The following GPC6 variants were observed in gnomAD, a reference collection of about 807,000 sequenced individuals.
The protein encoded by GPC6 is glypican 6.
GPC6 carries 14 observed loss-of-function variants against 55.2 expected under a neutral mutation model. The ratio of observed to expected loss-of-function variants is 0.25; its 90% confidence interval spans 0.17 to 0.40. GPC6 has a LOEUF of 0.40. Ranked by LOEUF, GPC6 falls within the 10% of genes least tolerant of loss-of-function variation. The pLI is 1.00. For synonymous variants in GPC6, 278 were observed against 259.6 expected, an observed-to-expected ratio of 1.07 and a Z score of -0.68; for missense variants, 641 against 708.5, an observed-to-expected ratio of 0.90 and a Z score of 1.08.
At chr13:93,910,669 A>T (rs955470108) in intron 3 of GPC6, among the ~76,000 whole-genome samples, 4 of 152,182 alleles carry the variant, frequency 2.6e-5, no homozygotes, top group African/African-American at 9.7e-5. Flanking sequence ...AAGATATAAA[A>T]TACCTCAAAG....
intron 3 of GPC6, among the ~76,000 whole-genome samples, chr13:93,975,884 A>G (rs1010328110): frequency 6.6e-6 from 1 of 152,120 alleles, no homozygotes; most frequent in Non-Finnish European, 1.5e-5. Context: ...CCAAAATGCA[A>G]TTTTTTAAAT....
chr13:93,231,385 A>ATATATGTATATATATATACATG (rs1876035339), intron 1 of GPC6, among the ~76,000 whole-genome samples: 1 of 21,876 alleles, frequency 4.6e-5, no homozygotes, highest in African/African-American at 2.1e-4. Flanking sequence ...ATATACATAT[A>ATATATGTATATATATATACATG]TATATATATA....
At chr13:94,264,095 T>C (rs1362257936) in intron 4 of GPC6, among the ~76,000 whole-genome samples, 1 of 152,196 alleles carries the variant, frequency 6.6e-6, no homozygotes, top group Non-Finnish European at 1.5e-5. Flanking sequence ...AGTTTAGTCA[T>C]TGATCTCCCA....
intron 1 of GPC6, among the ~76,000 whole-genome samples, chr13:93,433,589 G>A (rs1877453437): frequency 6.6e-6 from 1 of 152,012 alleles, no homozygotes; most frequent in Non-Finnish European, 1.5e-5. Flanking sequence ...AGAAATGTGG[G>A]ACTACACGTG....
chr13:94,298,908 T>C (rs959264616), intron 5 of GPC6, among the ~76,000 whole-genome samples: 5 of 152,240 alleles, frequency 3.3e-5, no homozygotes, highest in African/African-American at 1.2e-4. Context: ...TGTCCTATCA[T>C]AGACACTTGA....
At chr13:93,427,788 A>G (rs1446592312) in intron 1 of GPC6, among the ~76,000 whole-genome samples, 1 of 152,180 alleles carries the variant, frequency 6.6e-6, no homozygotes, top group Non-Finnish European at 1.5e-5. Flanking sequence ...GTTCAGTGCA[A>G]AATGAGTGCA....
Position 94,121,913 on chromosome 13 carries a change from G to A in GPC6, c.877+94019G>A, listed in dbSNP as rs147771479. On this transcript the variant is annotated intron_variant, in intron 4 of 8. Transcript: ENST00000377047. ...CCTCCTACCCAACCACTCATTCCATGCTTCAGCACAACTGTTCTGATATGA... is the reference window on the plus strand; with the variant it reads ...CCTCCTACCCAACCACTCATTCCATACTTCAGCACAACTGTTCTGATATGA... Among the ~76,000 whole-genome samples the A allele has an allele frequency of 5.4e-3, 817 of 152,140 alleles. 3 individuals carry two copies. The highest frequency in any genetic ancestry group is 8.9e-3 in the South Asian group (43 of 4,820).
At chr13:93,697,700 T>G (rs1043531695) in intron 2 of GPC6, among the ~76,000 whole-genome samples, 2 of 152,182 alleles carry the variant, frequency 1.3e-5, no homozygotes, top group Admixed American at 1.3e-4. Flanking sequence ...AATAATGTTA[T>G]GACTATATAA....
chr13:93,727,036 G>C (rs889748202), intron 2 of GPC6, among the ~76,000 whole-genome samples: 1 of 152,048 alleles, frequency 6.6e-6, no homozygotes, highest in African/African-American at 2.4e-5. Context: ...ATGCATAATT[G>C]AATATTGGGG....
intron 1 of GPC6, among the ~76,000 whole-genome samples, chr13:93,369,245 G>A (rs1016166848): frequency 1.3e-5 from 2 of 152,010 alleles, no homozygotes; most frequent in Non-Finnish European, 2.9e-5. Flanking sequence ...GCCAGAGATT[G>A]AGAGAATAGA....
At chr13:93,928,233 A>C (rs1024790430) in intron 3 of GPC6, among the ~76,000 whole-genome samples, 1 of 152,188 alleles carries the variant, frequency 6.6e-6, no homozygotes, top group Non-Finnish European at 1.5e-5. Context: ...CTGAATAATT[A>C]AACTGTATTG....
intron 4 of GPC6, among the ~76,000 whole-genome samples, chr13:94,078,744 C>T (rs901939695): frequency 6.6e-6 from 1 of 151,830 alleles, no homozygotes; most frequent in Non-Finnish European, 1.5e-5. Flanking sequence ...AAGACTGACA[C>T]AGTAATAAAA....
chr13:93,777,576 T>C (rs1885510957), intron 2 of GPC6, among the ~76,000 whole-genome samples: 2 of 152,204 alleles, frequency 1.3e-5, no homozygotes, highest in South Asian at 4.1e-4. Flanking sequence ...TAGGAGAATA[T>C]GCCAAAAAGT....
At chr13:94,257,836 A>C (rs1891549489) in intron 4 of GPC6, among the ~76,000 whole-genome samples, 1 of 152,250 alleles carries the variant, frequency 6.6e-6, no homozygotes, top group Non-Finnish European at 1.5e-5. Flanking sequence ...AGTCAAAAAC[A>C]GGAAAAGATA....
chr13:93,546,883 C>G (rs1411845162), intron 2 of GPC6, among the ~76,000 whole-genome samples: 1 of 152,126 alleles, frequency 6.6e-6, no homozygotes, highest in Non-Finnish European at 1.5e-5. Flanking sequence ...GAAAGAAGCT[C>G]TACTGTGTTT....
At chr13:94,271,125 G>A (rs2139063146) in intron 4 of GPC6, among the ~76,000 whole-genome samples, 1 of 151,112 alleles carries the variant, frequency 6.6e-6, no homozygotes, top group African/African-American at 2.4e-5. Context: ...CGAGTAGCTG[G>A]GACTACAGGC....
intron 6 of GPC6, among the ~76,000 whole-genome samples, chr13:94,321,243 A>G (rs113672440): frequency 1.1e-4 from 16 of 152,362 alleles, no homozygotes; most frequent in Middle Eastern, 3.4e-3. Context: ...TGCAAAATAC[A>G]TGACCTCATT....
intron 1 of GPC6, among the ~76,000 whole-genome samples, chr13:93,299,954 A>C (rs1005578913): frequency 1.3e-5 from 2 of 152,230 alleles, no homozygotes; most frequent in African/African-American, 2.4e-5. Context: ...CAAGGATAGT[A>C]TCTAGCAGAT....
chr13:93,680,143 C>T (rs775247666), intron 2 of GPC6, among the ~76,000 whole-genome samples: 6 of 152,014 alleles, frequency 3.9e-5, no homozygotes, highest in Non-Finnish European at 7.4e-5. Flanking sequence ...CAGAGGTAAT[C>T]CAGTTAAAAT....
Sources: allele counts gnomAD v4.1 joint callset (sites outside exome capture counted in the v4.1 genomes callset), GRCh38; gene constraint gnomAD v4.1.1; transcripts MANE v1.5; gene names NCBI Gene and HGNC (gene_info 2026-07-23, HGNC 2026-07-21).